DHX32: variants seen among roughly 807,000 people sequenced by gnomAD.
The protein encoded by DHX32 is putative pre-mRNA-splicing factor ATP-dependent RNA helicase DHX32.
Under a neutral mutation model 70.0 loss-of-function variants are expected in DHX32, and 51 were observed. The ratio of observed to expected loss-of-function variants is 0.73; its 90% confidence interval spans 0.58 to 0.92. The LOEUF is 0.92. Ranked by LOEUF, DHX32 falls within the 40% of genes least tolerant of loss-of-function variation. DHX32 has a pLI of 0.00. For missense variants in DHX32, 762 were observed against 891.8 expected, an observed-to-expected ratio of 0.85 and a Z score of 1.85; for synonymous variants, 310 against 315.3, an observed-to-expected ratio of 0.98 and a Z score of 0.18.
Position 125,836,635 on chromosome 10 carries a change from C to T in DHX32, c.*52G>A. 6.3e-7 allele frequency: 1 copy of T among 1,586,416 alleles called. No homozygotes were observed. Among genetic ancestry groups the T allele is most frequent in the Non-Finnish European group, 8.6e-7 (1 of 1,163,990 alleles). Reference sequence around the variant, plus strand: ...CATGTATCTCCCATATCCAGCAGTTCAGCCATCCAGCTACCTTTGGGACCC... The same window carrying T: ...CATGTATCTCCCATATCCAGCAGTTTAGCCATCCAGCTACCTTTGGGACCC... On this transcript the variant is annotated 3_prime_UTR_variant, in exon 11 of 11. Transcript: ENST00000284690.
chr10:125,839,296 AAGG>A (rs1417626236), intron 8 of DHX32, 108 bp from the exon 9 acceptor site: 4 of 1,143,124 alleles, frequency 3.5e-6, no homozygotes, highest in Admixed American at 2.4e-5. Flanking sequence ...CTCTCCTACA[AAGG>A]AGGCCACGTA....
At chr10:125,858,081 T>G (rs1944160112) in intron 3 of DHX32, among the ~76,000 whole-genome samples, 1 of 151,862 alleles carries the variant, frequency 6.6e-6, no homozygotes, top group African/African-American at 2.4e-5. Flanking sequence ...TTAATTTTTT[T>G]GTTGAGATAG....
chr10:125,839,713 A>G (rs186300276), intron 8 of DHX32, among the ~76,000 whole-genome samples: 320 of 152,330 alleles, frequency 2.1e-3, no homozygotes, highest in African/African-American at 7.4e-3. Context: ...AAGCTCATCT[A>G]TCTACCCTAG....
At chr10:125,882,881 T>C (rs1358790650), upstream of DHX32, among the ~76,000 whole-genome samples, 2 of 152,196 alleles carry the variant, frequency 1.3e-5, no homozygotes, top group East Asian at 1.9e-4. Context: ...TTTAATTTTA[T>C]ATTCTATTTT....
Position 125,861,927 on chromosome 10 carries a change from G to GA in DHX32, c.477-1953dup, listed in dbSNP as rs796596295. Reference sequence around the variant, plus strand: ...CAGTCCTCAATTAACCTCTTTCAAGGAAAAAAAAAAAAAGGAAGTAAACAA... The same window carrying GA: ...CAGTCCTCAATTAACCTCTTTCAAGGAAAAAAAAAAAAAAGGAAGTAAACAA... On this transcript the variant is annotated intron_variant, in intron 2 of 10. Transcript: ENST00000284690. 2.4e-3 allele frequency among the ~76,000 whole-genome samples: 326 copies of GA among 136,564 alleles called. 5 individuals are homozygous for GA. Among genetic ancestry groups the GA allele is most frequent in the South Asian group, 0.017 (71 of 4,294 alleles). The allele number at this position is 136,564 out of a possible 152,430, so 89.6% of individuals were successfully genotyped here.
intron 1 of DHX32, among the ~76,000 whole-genome samples, chr10:125,878,118 T>C (rs1944295140): frequency 6.6e-6 from 1 of 152,186 alleles, no homozygotes; most frequent in Non-Finnish European, 1.5e-5. Context: ...ATAATAAGTA[T>C]TTATTAACTA....
chr10:125,842,111 C>A (rs1564823103), intron 6 of DHX32, 177 bp from the exon 7 acceptor site: 2 of 817,450 alleles, frequency 2.4e-6, no homozygotes, highest in Non-Finnish European at 3.5e-6. Flanking sequence ...AGAGGGCAAA[C>A]TCAGGAGGGG....
intron 2 of DHX32, 21 bp from the exon 3 acceptor site, chr10:125,859,996 A>C (rs760531753): frequency 6.6e-7 from 1 of 1,512,572 alleles, no homozygotes; most frequent in Non-Finnish European, 8.8e-7. Context: ...GAAACATTAA[A>C]GTTAGAATAT....
intron 1 of DHX32, among the ~76,000 whole-genome samples, chr10:125,893,253 A>AT (rs1232064936): frequency 0.017 from 2,276 of 131,982 alleles, 45 homozygotes; most frequent in African/African-American, 0.058. Context: ...CTTTTATTTT[A>AT]TTTTTTTTGA....
upstream of DHX32, among the ~76,000 whole-genome samples, chr10:125,884,559 T>C (rs1944333012): frequency 6.6e-6 from 1 of 152,192 alleles, no homozygotes. Flanking sequence ...CATGCATCCA[T>C]GAAAATAATA....
intron 6 of DHX32, among the ~76,000 whole-genome samples, chr10:125,851,003 G>A (rs556362756): frequency 4.3e-4 from 66 of 152,308 alleles, no homozygotes; most frequent in African/African-American, 1.5e-3. Flanking sequence ...TCAGGATGGA[G>A]GTCAATTGTC....
At chr10:125,856,920 A>T (rs1002320984) in intron 3 of DHX32, among the ~76,000 whole-genome samples, 1 of 152,216 alleles carries the variant, frequency 6.6e-6, no homozygotes, top group Non-Finnish European at 1.5e-5. Flanking sequence ...ACACCACTGC[A>T]CTCCAGCCTA....
chr10:125,875,331 A>G (rs986782100), intron 1 of DHX32, among the ~76,000 whole-genome samples: 5 of 152,176 alleles, frequency 3.3e-5, no homozygotes, highest in African/African-American at 1.2e-4. Flanking sequence ...GAAAAAAAAA[A>G]TGGTTTCTAC....
intron 7 of DHX32, chr10:125,841,500 T>A: frequency 2.8e-6 from 4 of 1,449,264 alleles, no homozygotes; most frequent in Non-Finnish European, 3.6e-6. Context: ...CTAGTATGTT[T>A]TCATACATCT....
chr10:125,859,596 T>C lies in DHX32; in HGVS notation c.849+7A>G, dbSNP rs1944172319. 3 of 1,560,076 alleles carry C rather than the reference T, an allele frequency of 1.9e-6. No individual in the cohort carries two copies. The highest frequency in any genetic ancestry group is 2.5e-5 in the South Asian group (2 of 80,666). ...ATTACTGTAAGGTTAGAGTATCACT[T>C]ACTTACTTGTTCACAGGCCAGAAAG... On this transcript the variant is annotated splice_region_variant and intron_variant, in intron 3 of 10. Transcript: ENST00000284690.
At chr10:125,839,263 C>T in intron 8 of DHX32, 75 bp from the exon 9 acceptor site, 1 of 1,483,946 alleles carries the variant, frequency 6.7e-7, no homozygotes, top group East Asian at 2.3e-5. Flanking sequence ...CAGGCAGTTG[C>T]CATCTTTAAG....
intron 8 of DHX32, among the ~76,000 whole-genome samples, chr10:125,839,923 C>T (rs937225053): frequency 6.6e-6 from 1 of 152,212 alleles, no homozygotes; most frequent in Non-Finnish European, 1.5e-5. Flanking sequence ...ATTCAGCATG[C>T]CCTCAAAAGG....
intron 10 of DHX32, 48 bp downstream of exon 10, chr10:125,838,158 G>A (rs1207470510): frequency 6.7e-7 from 1 of 1,501,114 alleles, no homozygotes; most frequent in Non-Finnish European, 8.9e-7. Context: ...ACTCCTACAG[G>A]TATGAATTAA....
At chr10:125,845,127 A>G (rs1028283669) in intron 6 of DHX32, among the ~76,000 whole-genome samples, 4 of 152,218 alleles carry the variant, frequency 2.6e-5, no homozygotes, top group African/African-American at 9.6e-5. Context: ...GCACAGGCCA[A>G]GTGGAGTCCA....
Sources: gnomAD v4.1 joint callset for allele counts (sites outside exome capture counted in the v4.1 genomes callset) on GRCh38, gnomAD v4.1.1 for gene constraint, MANE v1.5 for transcripts, NCBI Gene and HGNC (gene_info 2026-07-23, HGNC 2026-07-21) for gene names.